Variants in NAA60 observed in about 807,000 individuals in gnomAD.
NAA60 encodes N-alpha-acetyltransferase 60.
NAA60 carries 8 observed loss-of-function variants against 26.1 expected under a neutral mutation model. The ratio of observed to expected loss-of-function variants is 0.31; its 90% confidence interval spans 0.18 to 0.55. NAA60 has a LOEUF of 0.55. Ranked by LOEUF, NAA60 falls within the 20% of genes least tolerant of loss-of-function variation. NAA60 has a pLI of 0.93. For missense variants in NAA60, 290 were observed against 311.3 expected (o/e 0.93, Z 0.51); for synonymous variants, 131 against 122.5 (o/e 1.07, Z -0.46).
Position 3,485,494 on chromosome 16 carries a change from G to T in NAA60, c.*234G>T. Reference sequence around the variant, plus strand: ...TCTTCAGCTCCCCTCCCTGCTTCTGGAAACCTCTGCCTGCTGCCCTGGCCC... The same window carrying T: ...TCTTCAGCTCCCCTCCCTGCTTCTGTAAACCTCTGCCTGCTGCCCTGGCCC... On this transcript the variant is annotated 3_prime_UTR_variant, in exon 8 of 8. Coordinates refer to ENST00000407558, the MANE Select transcript of NAA60 (RefSeq NM_001083601.3). 1 of 456,732 alleles carries T rather than the reference G, an allele frequency of 2.2e-6. No homozygotes were observed. The allele number at this position is 456,732 out of a possible 1,614,324, so 28.3% of individuals were successfully genotyped here. A position where few individuals can be genotyped will look rare whatever the true frequency, so the allele number is the denominator to read the frequency against.
intron 6 of NAA60, chr16:3,483,801 C>G (rs1033320935): frequency 1.4e-5 from 8 of 575,592 alleles, no homozygotes; most frequent in Non-Finnish European, 1.5e-5. Flanking sequence ...CCATGTTGCC[C>G]AGGCTGGTCT....
At chr16:3,448,609 A>C in intron 2 of NAA60, 69 bp downstream of exon 2, 1 of 1,342,702 alleles carries the variant, frequency 7.4e-7, no homozygotes, top group Non-Finnish European at 1.0e-6. Context: ...TACTTAAGTG[A>C]AATCCATTTT....
chr16:3,446,785 A>G (rs1414594189), intron 1 of NAA60, among the ~76,000 whole-genome samples: 1 of 151,864 alleles, frequency 6.6e-6, no homozygotes, highest in African/African-American at 2.4e-5. Context: ...TAATTTTTGT[A>G]TTTTTAGTAG....
At chr16:3,469,146 G>A (rs763440399) in intron 2 of NAA60, among the ~76,000 whole-genome samples, 9 of 151,998 alleles carry the variant, frequency 5.9e-5, no homozygotes, top group Non-Finnish European at 1.0e-4. Context: ...TTCCCTGCTT[G>A]TTGTAGTAGA....
chr16:3,451,346 T>G (rs1041046642), intron 2 of NAA60, among the ~76,000 whole-genome samples: 3 of 152,232 alleles, frequency 2.0e-5, no homozygotes, highest in Admixed American at 1.3e-4. Flanking sequence ...ACTTGGGTAC[T>G]GAGTTGGAGG....
chr16:3,471,533 A>G (rs1034419159), intron 2 of NAA60, among the ~76,000 whole-genome samples: 2 of 151,980 alleles, frequency 1.3e-5, no homozygotes, highest in African/African-American at 4.8e-5. Flanking sequence ...AAGATCTGGA[A>G]CGTTTTCGTC....
At chr16:3,480,376 C>G (rs919281951) in intron 4 of NAA60, among the ~76,000 whole-genome samples, 3 of 152,096 alleles carry the variant, frequency 2.0e-5, no homozygotes, top group Non-Finnish European at 4.4e-5. Flanking sequence ...GCGGGCAGAT[C>G]ATCTGAGGTC....
intron 2 of NAA60, among the ~76,000 whole-genome samples, chr16:3,456,005 C>CA (rs776233727): frequency 2.0e-5 from 3 of 151,788 alleles, no homozygotes; most frequent in South Asian, 2.1e-4. Context: ...GCGCCCTGCC[C>CA]AAAAAAAGAG....
chr16:3,446,280 C>G lies in NAA60; in HGVS notation c.-76-2191C>G, dbSNP rs187465066. ...GGTGCGGTGGCTCACGCCTGTAATCCCAGCATTTTGTGAGGCTGAGGTGGG... is the reference window on the plus strand; with the variant it reads ...GGTGCGGTGGCTCACGCCTGTAATCGCAGCATTTTGTGAGGCTGAGGTGGG... On this transcript the variant is annotated intron_variant, in intron 1 of 7. Coordinates refer to ENST00000407558, the MANE Select transcript of NAA60 (RefSeq NM_001083601.3). 2.8e-3 allele frequency among the ~76,000 whole-genome samples: 430 copies of G among 152,068 alleles called. 1 individual carries two copies. The highest frequency in any genetic ancestry group is 4.7e-3 in the Non-Finnish European group (317 of 67,972).
intron 1 of NAA60, among the ~76,000 whole-genome samples, chr16:3,444,853 A>G (rs1041669077): frequency 1.3e-5 from 2 of 152,204 alleles, no homozygotes; most frequent in African/African-American, 4.8e-5. Context: ...AAGAATAAAT[A>G]ATTGTTTGGG....
At chr16:3,477,675 G>A (rs1402297656) in intron 3 of NAA60, among the ~76,000 whole-genome samples, 1 of 150,978 alleles carries the variant, frequency 6.6e-6, no homozygotes, top group African/African-American at 2.4e-5. Flanking sequence ...AGTGGCTCAC[G>A]CCTGTAATCC....
intron 2 of NAA60, among the ~76,000 whole-genome samples, chr16:3,451,446 T>C (rs1476670649): frequency 1.3e-5 from 2 of 152,158 alleles, no homozygotes; most frequent in African/African-American, 4.8e-5. Flanking sequence ...AATAAAAATG[T>C]TTACTGTCAG....
chr16:3,444,082 C>T (rs1175141977), intron 1 of NAA60, among the ~76,000 whole-genome samples: 2 of 152,230 alleles, frequency 1.3e-5, no homozygotes, highest in Non-Finnish European at 2.9e-5. Context: ...GTACCCGCAG[C>T]TGCAGCCTAA....
At chr16:3,460,566 A>C (rs1026475005) in intron 2 of NAA60, among the ~76,000 whole-genome samples, 1 of 152,146 alleles carries the variant, frequency 6.6e-6, no homozygotes, top group Non-Finnish European at 1.5e-5. Flanking sequence ...GGGTTTTGCC[A>C]TGTTGGCCAG....
rs1180689117 is a variant in NAA60, at chr16:3,486,547, G to T, written c.*1287G>T. Reference sequence around the variant, plus strand: ...CTCTTGAACTCAGCTGGGGCCAGGGGCCCTCAGAATGAAGGCAGGCACCAG... The same window carrying T: ...CTCTTGAACTCAGCTGGGGCCAGGGTCCCTCAGAATGAAGGCAGGCACCAG... On this transcript the variant is annotated 3_prime_UTR_variant, in exon 8 of 8. Transcript: ENST00000407558. 1 of 152,334 alleles carries T rather than the reference G, an allele frequency of 6.6e-6. No homozygotes were observed. The highest frequency in any genetic ancestry group is 1.5e-5 in the Non-Finnish European group (1 of 68,118). The allele number at this position is 152,334 out of a possible 1,614,324, so 9.4% of individuals were successfully genotyped here.
In NAA60 at chr16:3,447,421, A is replaced by T. The variant is rs1056664251; in HGVS notation, c.-76-1050A>T. On this transcript the variant is annotated intron_variant, in intron 1 of 7. Transcript: ENST00000407558. ...GGTAAATGGGGTATCTTCCCTGGCG[A>T]TGTTTAACATGATTTCCAGAATGAA... 3 of 974,806 alleles carry T rather than the reference A, an allele frequency of 3.1e-6. No individual in the cohort carries two copies. In the African/African-American group the frequency reaches 5.3e-5, roughly 17 times the overall value. 60.4% of individuals were successfully genotyped at this position (974,806 alleles called of 1,614,324 possible).
At chr16:3,482,673 C>G in intron 5 of NAA60, 75 bp downstream of exon 5, 3 of 1,048,850 alleles carry the variant, frequency 2.9e-6, no homozygotes, top group Non-Finnish European at 1.4e-6. Flanking sequence ...CCATCTGCAC[C>G]CAGTCTCTTC....
At chr16:3,466,741 G>C (rs1323057652) in intron 2 of NAA60, among the ~76,000 whole-genome samples, 1 of 152,184 alleles carries the variant, frequency 6.6e-6, no homozygotes. Flanking sequence ...GCTTTGAGAG[G>C]AAGAGGGGGA....
intron 1 of NAA60, 69 bp downstream of exon 1, chr16:3,443,906 G>C (rs1305252090): frequency 1.4e-6 from 2 of 1,474,124 alleles, no homozygotes; most frequent in Admixed American, 2.3e-5. Flanking sequence ...GATTGAGAGG[G>C]CGGGGGTTCG....
Sources: gnomAD v4.1 joint callset for allele counts (sites outside exome capture counted in the v4.1 genomes callset) on GRCh38, gnomAD v4.1.1 for gene constraint, MANE v1.5 for transcripts, NCBI Gene and HGNC (gene_info 2026-07-23, HGNC 2026-07-21) for gene names.